NR5A2: variants seen among roughly 807,000 people sequenced by gnomAD.
The protein encoded by NR5A2 is CYP7A promoter-binding factor.
A neutral mutation model predicts 62.7 loss-of-function variants in NR5A2; 26 were observed. That is an observed-to-expected ratio of 0.41 (90% CI 0.30 to 0.58). The LOEUF (loss-of-function observed/expected upper bound fraction) is 0.58. NR5A2 is among the 20% of genes least tolerant of loss of function. The pLI is 0.22. For synonymous variants in NR5A2, 246 were observed against 241.7 expected (o/e 1.02, Z -0.16); for missense variants, 541 against 669.1 (o/e 0.81, Z 2.11).
At chr1:200,079,176 T>C (rs1664175975) in intron 5 of NR5A2, among the ~76,000 whole-genome samples, 1 of 152,220 alleles carries the variant, frequency 6.6e-6, no homozygotes, top group South Asian at 2.1e-4. Flanking sequence ...AATCCTTGGA[T>C]ACCATATAAC....
chr1:200,065,220 C>T (rs1663412590), intron 5 of NR5A2, among the ~76,000 whole-genome samples: 1 of 152,120 alleles, frequency 6.6e-6, no homozygotes. Flanking sequence ...GATCTTGGCT[C>T]ACTGCAACCT....
chr1:200,097,234 AC>A (rs1665142280), intron 5 of NR5A2, among the ~76,000 whole-genome samples: 1 of 152,088 alleles, frequency 6.6e-6, no homozygotes, highest in Non-Finnish European at 1.5e-5. Context: ...TTTAAAATAA[AC>A]CTTTGTCAGA....
chr1:200,147,139 A>G lies in NR5A2; in HGVS notation c.1378+26184A>G, dbSNP rs912018093. Among the ~76,000 whole-genome samples the G allele has an allele frequency of 6.6e-6, 1 of 152,222 alleles. No individual in the cohort carries two copies. Among genetic ancestry groups the G allele is most frequent in the Non-Finnish European group, 1.5e-5 (1 of 68,042 alleles). ...GAGGAAAATAAAAAATGTTTCCGAAAAAAGTGGGCTGTGATGCAAGGTACT... is the reference window on the plus strand; with the variant it reads ...GAGGAAAATAAAAAATGTTTCCGAAGAAAGTGGGCTGTGATGCAAGGTACT... On this transcript the variant is annotated intron_variant, in intron 7 of 7. Coordinates refer to ENST00000367362, the MANE Select transcript of NR5A2 (RefSeq NM_205860.3). This position sits in a 1 kb window ranked among gnomAD's most constrained non-coding sequence, Gnocchi z 4.9.
chr1:200,031,799 C>G (rs922359835), intron 1 of NR5A2, among the ~76,000 whole-genome samples: 15 of 151,882 alleles, frequency 9.9e-5, no homozygotes, highest in African/African-American at 3.6e-4. Flanking sequence ...AGGCTGGTCC[C>G]GAAATCCTGA....
At chr1:200,034,142 A>T (rs1433790423) in intron 1 of NR5A2, among the ~76,000 whole-genome samples, 1 of 152,124 alleles carries the variant, frequency 6.6e-6, no homozygotes, top group African/African-American at 2.4e-5. Flanking sequence ...GTTGAAGCGG[A>T]GGAGAGGGTG....
intron 5 of NR5A2, among the ~76,000 whole-genome samples, chr1:200,059,063 TC>T (rs1207812130): frequency 6.6e-6 from 1 of 151,930 alleles, no homozygotes; most frequent in Non-Finnish European, 1.5e-5. Context: ...TAAGCCAAGA[TC>T]GCACTACTGC....
At chr1:200,136,408 C>T (rs1667225817) in intron 7 of NR5A2, among the ~76,000 whole-genome samples, 1 of 152,156 alleles carries the variant, frequency 6.6e-6, no homozygotes, top group Non-Finnish European at 1.5e-5. Flanking sequence ...AAACAATACT[C>T]AGTATGTTCG....
intron 5 of NR5A2, among the ~76,000 whole-genome samples, chr1:200,099,827 C>T (rs1358196098): frequency 6.6e-6 from 1 of 152,126 alleles, no homozygotes. Context: ...CTCCTGACCT[C>T]GTGATCCACC....
chr1:200,122,143 A>G (rs1338808500), intron 7 of NR5A2, among the ~76,000 whole-genome samples: 1 of 152,224 alleles, frequency 6.6e-6, no homozygotes, highest in East Asian at 1.9e-4. Flanking sequence ...AAGGTTTACA[A>G]TGCCAAGACT....
At chr1:200,139,250 G>GC (rs1356773373) in intron 7 of NR5A2, among the ~76,000 whole-genome samples, 3 of 152,090 alleles carry the variant, frequency 2.0e-5, no homozygotes, top group Non-Finnish European at 4.4e-5. Context: ...TCTACTAAAT[G>GC]CCCTTATTAT....
intron 5 of NR5A2, among the ~76,000 whole-genome samples, chr1:200,098,030 A>G (rs1194254350): frequency 6.6e-6 from 1 of 152,102 alleles, no homozygotes; most frequent in Non-Finnish European, 1.5e-5. Context: ...AAACTAAAAT[A>G]TTTGTCAAAA....
At chr1:200,142,388 G>A (rs1295415415) in intron 7 of NR5A2, among the ~76,000 whole-genome samples, 3 of 151,200 alleles carry the variant, frequency 2.0e-5, no homozygotes, top group Non-Finnish European at 2.9e-5. Flanking sequence ...TTATAGAGAT[G>A]GGGTTTCCCA....
chr1:200,108,756 T>C (rs1327587157), intron 5 of NR5A2, among the ~76,000 whole-genome samples: 1 of 152,196 alleles, frequency 6.6e-6, no homozygotes, highest in Non-Finnish European at 1.5e-5. Context: ...TGATAGTGTA[T>C]GAGAATATAA....
chr1:200,159,166 C>T (rs542270303), intron 7 of NR5A2, among the ~76,000 whole-genome samples: 44 of 152,168 alleles, frequency 2.9e-4, no homozygotes, highest in East Asian at 2.5e-3. Flanking sequence ...GCTAGGATTA[C>T]GGGTGTGAGC....
chr1:200,162,898 G>C (rs1421697031), intron 7 of NR5A2, among the ~76,000 whole-genome samples: 1 of 152,190 alleles, frequency 6.6e-6, no homozygotes, highest in Non-Finnish European at 1.5e-5. Context: ...CACTGAGTTT[G>C]AGATGTCCCC....
chr1:200,155,575 T>C (rs1653338054), intron 7 of NR5A2, among the ~76,000 whole-genome samples: 1 of 152,242 alleles, frequency 6.6e-6, no homozygotes, highest in African/African-American at 2.4e-5. Context: ...CAGTTTGCTA[T>C]TTGTGATGTA....
At chr1:200,154,664 G>C (rs1223834012) in intron 7 of NR5A2, among the ~76,000 whole-genome samples, 1 of 152,148 alleles carries the variant, frequency 6.6e-6, no homozygotes, top group African/African-American at 2.4e-5. Context: ...ATCTGACCTG[G>C]GCAACATAGT....
At chr1:200,159,648 T>TATG (rs1412607132) in intron 7 of NR5A2, among the ~76,000 whole-genome samples, 1 of 137,012 alleles carries the variant, frequency 7.3e-6, no homozygotes, top group African/African-American at 3.5e-5. Flanking sequence ...TATTTATTAT[T>TATG]ATTATTATTA....
intron 7 of NR5A2, among the ~76,000 whole-genome samples, chr1:200,158,290 G>A (rs1012480382): frequency 3.3e-5 from 5 of 152,152 alleles, no homozygotes; most frequent in African/African-American, 1.2e-4. Flanking sequence ...TCTATTTTGT[G>A]TGTCTGTCTC....
Sources: allele counts gnomAD v4.1 joint callset (sites outside exome capture counted in the v4.1 genomes callset), GRCh38; gene constraint gnomAD v4.1.1; non-coding constraint Gnocchi (gnomAD v3.1); transcripts MANE v1.5; gene names NCBI Gene and HGNC (gene_info 2026-07-23, HGNC 2026-07-21).